CACHD1: variants seen among roughly 807,000 people sequenced by gnomAD.
The protein encoded by CACHD1 is VWFA and cache domain-containing protein 1.
A neutral mutation model predicts 138.7 loss-of-function variants in CACHD1; 71 were observed. That is an observed-to-expected ratio of 0.51 (90% CI 0.42 to 0.62). CACHD1 has a LOEUF of 0.62. Among genes scored for constraint, CACHD1 ranks in the 20% least tolerant of loss-of-function variants. The pLI, the probability that CACHD1 is intolerant of heterozygous loss-of-function variation, is 0.00. For missense variants in CACHD1, 1,389 were observed against 1,625.3 expected (o/e 0.85, Z 2.50); for synonymous variants, 578 against 591.5 (o/e 0.98, Z 0.33).
intron 1 of CACHD1, among the ~76,000 whole-genome samples, chr1:64,502,970 G>A (rs1646348293): frequency 6.6e-6 from 1 of 152,136 alleles, no homozygotes; most frequent in African/African-American, 2.4e-5. Flanking sequence ...TGGTCAAAAA[G>A]GATAATTACT....
chr1:64,658,871 T>A lies in CACHD1; in HGVS notation c.1949T>A (p.Leu650Gln). The change falls in exon 13 of 27, where the codon CTA (leucine) becomes CAA (glutamine). Residue 650 changes from leucine (L) to glutamine (Q), a missense_variant and splice_region_variant. This residue lies in a region of CACHD1 where 1,000 missense variants were observed against 1,114.7 expected (regional missense o/e 0.90). Coordinates refer to ENST00000651257, the MANE Select transcript of CACHD1 (RefSeq NM_020925.4). ...ACLHFKQLAT[L>Q]ESPTIMLSAG... ...CTCCACTTCAAACAGCTGGCAACCC[T>A]AGGTAAAGCCCTTACACTTCCTTCA... is the stretch of plus-strand genomic sequence containing the variant. 6.4e-7 allele frequency: 1 copy of A among 1,563,176 alleles called. No individual in the cohort carries two copies. The highest frequency in any genetic ancestry group is 2.4e-5 in the East Asian group (1 of 42,436).
intron 4 of CACHD1, among the ~76,000 whole-genome samples, chr1:64,616,764 C>CT (rs769117968): frequency 2.5e-4 from 38 of 151,940 alleles, no homozygotes; most frequent in Admixed American, 3.9e-4. Flanking sequence ...TGTAGTTAGC[C>CT]TGGAAGAAGG....
chr1:64,586,209 G>C (rs1228779267), intron 3 of CACHD1, among the ~76,000 whole-genome samples: 1 of 152,162 alleles, frequency 6.6e-6, no homozygotes, highest in Non-Finnish European at 1.5e-5. Flanking sequence ...GACTACAGGG[G>C]CGTGCCACCA....
Position 64,525,056 on chromosome 1 carries a change from A to G in CACHD1, c.199-25538A>G, listed in dbSNP as rs567389495. 2.6e-5 allele frequency among the ~76,000 whole-genome samples: 4 copies of G among 152,300 alleles called. No homozygotes were observed. The South Asian group carries it at 8.3e-4, about 32-fold the overall frequency. Reference sequence around the variant, plus strand: ...TTGTACCTCCATATCCAGTACTTCCATAATACCACCAGTGGACCATCTCTG... The same window carrying G: ...TTGTACCTCCATATCCAGTACTTCCGTAATACCACCAGTGGACCATCTCTG... On this transcript the variant is annotated intron_variant, in intron 1 of 26. Transcript: ENST00000651257.
intron 3 of CACHD1, among the ~76,000 whole-genome samples, 171 bp from the exon 4 acceptor site, chr1:64,602,635 T>A (rs532015013): frequency 2.6e-5 from 4 of 152,318 alleles, no homozygotes; most frequent in African/African-American, 9.6e-5. Flanking sequence ...GAGGCAGGTG[T>A]TCCCCCCACC....
intron 1 of CACHD1, among the ~76,000 whole-genome samples, chr1:64,502,301 C>T (rs1404040023): frequency 6.6e-6 from 1 of 152,172 alleles, no homozygotes; most frequent in Non-Finnish European, 1.5e-5. Context: ...ATTGCTTCCA[C>T]ATTTTTTGCC....
chr1:64,641,895 C>A lies in CACHD1; in HGVS notation c.1082C>A (p.Thr361Asn). The A allele has an allele frequency of 6.2e-7, 1 of 1,606,598 alleles. No homozygotes were observed. The highest frequency in any genetic ancestry group is 8.5e-7 in the Non-Finnish European group (1 of 1,176,994). ...TCTTCGGAAGAAGATAAAAAAGCGA[C>A]TCTCCAAGTCATCAATGAAGAAAAT... ...KDSSEEDKKATLQVINEENSF... is the reference protein window; with the variant it reads ...KDSSEEDKKANLQVINEENSF... Residue 361 changes from threonine (T) to asparagine (N), a missense_variant, in exon 8 of 27, where the codon ACT becomes AAT. Transcript: ENST00000651257.
intron 1 of CACHD1, among the ~76,000 whole-genome samples, chr1:64,483,144 A>C: frequency 6.6e-6 from 1 of 152,228 alleles, no homozygotes; most frequent in East Asian, 1.9e-4. Context: ...AGGTGAGTAG[A>C]AGTATCTGCT....
chr1:64,567,098 G>C (rs892293354), intron 2 of CACHD1, among the ~76,000 whole-genome samples: 4 of 152,228 alleles, frequency 2.6e-5, no homozygotes, highest in Non-Finnish European at 5.9e-5. Context: ...ACTAGATTAT[G>C]ATCTCTTTGA....
intron 1 of CACHD1, among the ~76,000 whole-genome samples, chr1:64,530,570 G>C (rs1646574577): frequency 6.6e-6 from 1 of 151,924 alleles, no homozygotes; most frequent in African/African-American, 2.4e-5. Context: ...CCCTGGAATG[G>C]TTACTTAAAA....
At chr1:64,594,164 G>T (rs1647130578) in intron 3 of CACHD1, among the ~76,000 whole-genome samples, 1 of 151,304 alleles carries the variant, frequency 6.6e-6, no homozygotes, top group South Asian at 2.1e-4. Flanking sequence ...TGAAGTAAGA[G>T]AATCGCTTGA....
At chr1:64,502,420 C>CT (rs1342098610) in intron 1 of CACHD1, among the ~76,000 whole-genome samples, 2 of 152,184 alleles carry the variant, frequency 1.3e-5, no homozygotes, top group Non-Finnish European at 2.9e-5. Flanking sequence ...CATTAGATCA[C>CT]TGAGGGGCTC....
chr1:64,511,868 C>G (rs181576483), intron 1 of CACHD1, among the ~76,000 whole-genome samples: 1 of 152,198 alleles, frequency 6.6e-6, no homozygotes, highest in African/African-American at 2.4e-5. Flanking sequence ...CTCAGCTTAT[C>G]AGCTGTGTCC....
At chr1:64,574,908 C>T (rs1267451905) in intron 2 of CACHD1, among the ~76,000 whole-genome samples, 3 of 152,148 alleles carry the variant, frequency 2.0e-5, no homozygotes, top group Non-Finnish European at 4.4e-5. Flanking sequence ...AAAATGCTTT[C>T]CCCCACAAGA....
chr1:64,555,195 C>T (rs1429415228), intron 2 of CACHD1, among the ~76,000 whole-genome samples: 1 of 151,910 alleles, frequency 6.6e-6, no homozygotes, highest in African/African-American at 2.4e-5. Context: ...CTCCACGTTG[C>T]CCAGGCTGGT....
At chr1:64,533,749 T>TCTCC (rs10624761) in intron 1 of CACHD1, among the ~76,000 whole-genome samples, 14 of 51,014 alleles carry the variant, frequency 2.7e-4, no homozygotes, top group African/African-American at 5.2e-4. Context: ...CTTCTCTCTC[T>TCTCC]TTTTTTTTTT....
intron 22 of CACHD1, among the ~76,000 whole-genome samples, chr1:64,677,420 C>T (rs1204494683): frequency 6.6e-6 from 1 of 152,176 alleles, no homozygotes. Flanking sequence ...GTTCCCCGCT[C>T]TCTCCCCACT....
chr1:64,559,808 G>C (rs1166636670), intron 2 of CACHD1, among the ~76,000 whole-genome samples: 1 of 152,122 alleles, frequency 6.6e-6, no homozygotes, highest in Non-Finnish European at 1.5e-5. Context: ...GCAGGTTTTT[G>C]AGCATCCAGT....
intron 1 of CACHD1, among the ~76,000 whole-genome samples, chr1:64,532,591 G>GGTAT (rs2100406345): frequency 6.6e-6 from 1 of 152,224 alleles, no homozygotes; most frequent in African/African-American, 2.4e-5. Flanking sequence ...ACTGGAGGCC[G>GGTAT]GTATGTTGAG....
Sources: allele counts gnomAD v4.1 joint callset (sites outside exome capture counted in the v4.1 genomes callset), GRCh38; gene constraint gnomAD v4.1.1; regional missense constraint gnomAD v4.1.1; transcripts MANE v1.5; gene names NCBI Gene and HGNC (gene_info 2026-07-23, HGNC 2026-07-21).